The following GNG7 variants were observed in gnomAD, a reference collection of about 807,000 sequenced individuals.
GNG7 encodes G protein subunit gamma 7.
GNG7 carries 1 observed loss-of-function variant against 4.0 expected under a neutral mutation model. That is an observed-to-expected ratio of 0.25 (90% CI 0.09 to 1.18). GNG7 has a LOEUF of 1.18. Ranked by LOEUF, GNG7 falls within the 50% of genes most tolerant of loss-of-function variation. GNG7 has a pLI of 0.50. For synonymous variants in GNG7, 34 were observed against 36.9 expected (o/e 0.92, Z 0.29); for missense variants, 86 against 91.9 (o/e 0.94, Z 0.26).
intron 1 of GNG7, among the ~76,000 whole-genome samples, chr19:2,657,060 G>A (rs752018224): frequency 4.6e-5 from 7 of 151,762 alleles, no homozygotes; most frequent in Non-Finnish European, 8.8e-5. Context: ...CATTACAGGC[G>A]CGGTGGCTCA....
chr19:2,663,626 T>A (rs1983233503), intron 1 of GNG7, among the ~76,000 whole-genome samples: 1 of 152,202 alleles, frequency 6.6e-6, no homozygotes, highest in South Asian at 2.1e-4. Context: ...GTTTTTCCAA[T>A]ATCTATCAAC....
At chr19:2,570,120 G>A (rs749783009) in intron 2 of GNG7, among the ~76,000 whole-genome samples, 5 of 151,890 alleles carry the variant, frequency 3.3e-5, no homozygotes, top group African/African-American at 9.7e-5. Context: ...GTTAGTTCAC[G>A]GACGACCTGG....
At chr19:2,675,683 G>C (rs1169629497) in intron 1 of GNG7, among the ~76,000 whole-genome samples, 1 of 152,132 alleles carries the variant, frequency 6.6e-6, no homozygotes, top group Non-Finnish European at 1.5e-5. Flanking sequence ...CGACACTTGG[G>C]GGTCTCAATG....
At chr19:2,658,654 A>G (rs1983058599) in intron 1 of GNG7, among the ~76,000 whole-genome samples, 1 of 152,238 alleles carries the variant, frequency 6.6e-6, no homozygotes, top group East Asian at 1.9e-4. Flanking sequence ...CAGTGAAATG[A>G]GCCAGATGCA....
At chr19:2,646,629 G>A (rs1437296521) in intron 1 of GNG7, among the ~76,000 whole-genome samples, 1 of 151,804 alleles carries the variant, frequency 6.6e-6, no homozygotes, top group Non-Finnish European at 1.5e-5. Flanking sequence ...AGGGTGCAGT[G>A]AGCTGAGATC....
chr19:2,632,418 A>G (rs1447549575), intron 2 of GNG7, among the ~76,000 whole-genome samples: 1 of 149,732 alleles, frequency 6.7e-6, no homozygotes, highest in African/African-American at 2.5e-5. Context: ...GACAAGAGTG[A>G]AACTCCATCT....
At chr19:2,548,934 A>G in intron 3 of GNG7, among the ~76,000 whole-genome samples, 1 of 152,178 alleles carries the variant, frequency 6.6e-6, no homozygotes, top group East Asian at 1.9e-4. Flanking sequence ...TGAACTGTGC[A>G]TGTTGTTTGC....
At chr19:2,588,336 G>A (rs953999605) in intron 2 of GNG7, among the ~76,000 whole-genome samples, 1 of 152,184 alleles carries the variant, frequency 6.6e-6, no homozygotes, top group East Asian at 1.9e-4. Context: ...AGGACAACCC[G>A]AAAGACATCA....
At chr19:2,622,110 T>C (rs1186907855) in intron 2 of GNG7, among the ~76,000 whole-genome samples, 1 of 151,850 alleles carries the variant, frequency 6.6e-6, no homozygotes, top group Non-Finnish European at 1.5e-5. Context: ...GACGGAGTCT[T>C]GCTCTGTCAC....
In GNG7 at chr19:2,653,317, A is replaced by C. The variant is rs928206811; in HGVS notation, c.-134-7037T>G. On this transcript the variant is annotated intron_variant, in intron 1 of 4. Coordinates refer to ENST00000382159, the MANE Select transcript of GNG7 (RefSeq NM_052847.3). The surrounding 1 kb of genome is among the most constrained non-coding windows in gnomAD (Gnocchi z 4.8). ...TCAGCTCCCAAACCTGGGGATTTGCAACAGACAAACACAGAGCTGGGAAAT... is the reference window on the plus strand; with the variant it reads ...TCAGCTCCCAAACCTGGGGATTTGCCACAGACAAACACAGAGCTGGGAAAT... Among the ~76,000 whole-genome samples, 2 of 152,164 alleles carry C rather than the reference A, an allele frequency of 1.3e-5. No homozygotes were observed. Among genetic ancestry groups the C allele is most frequent in the Non-Finnish European group, 2.9e-5 (2 of 68,026 alleles).
chr19:2,539,270 GATATT>G (rs1978863178), intron 3 of GNG7, among the ~76,000 whole-genome samples: 1 of 150,180 alleles, frequency 6.7e-6, no homozygotes, highest in African/African-American at 2.4e-5. Flanking sequence ...ATAAATTAAG[GATATT>G]TTCACAAACT....
At chr19:2,661,302 G>GAAAGAGAAAGAAAGAAAGAA in intron 1 of GNG7, among the ~76,000 whole-genome samples, 6 of 73,122 alleles carry the variant, frequency 8.2e-5, no homozygotes, top group Admixed American at 3.1e-4. Context: ...AAGAAAGAAA[G>GAAAGAGAAAGAAAGAAAGAA]AGAAAGAAAG....
intron 3 of GNG7, among the ~76,000 whole-genome samples, chr19:2,528,921 G>A (rs978932284): frequency 6.6e-6 from 1 of 152,210 alleles, no homozygotes; most frequent in Non-Finnish European, 1.5e-5. Context: ...CACAGCTGCT[G>A]GAAAGACAAG....
At position 2,560,755 on chromosome 19, in the gene GNG7, G is replaced by C. The variant is rs184672299; in HGVS notation, c.-77-5567C>G. Among the ~76,000 whole-genome samples, 192 of 151,998 alleles carry C rather than the reference G, an allele frequency of 1.3e-3. 1 individual carries two copies. The highest frequency in any genetic ancestry group is 4.5e-3 in the African/African-American group (186 of 41,434). The stretch of plus-strand genomic sequence containing the variant: ...GTGGATCACTTGATGTCAGGAGTTC[G>C]AGACCAGCCTGACCAACATGGGTAG... On this transcript the variant is annotated intron_variant, in intron 2 of 4. Transcript: ENST00000382159.
chr19:2,684,758 G>A (rs1249094870), intron 1 of GNG7, among the ~76,000 whole-genome samples: 1 of 152,112 alleles, frequency 6.6e-6, no homozygotes. Context: ...GGAGGCCGAG[G>A]CGGGTGGATC....
intron 2 of GNG7, among the ~76,000 whole-genome samples, chr19:2,622,304 C>A (rs1413635794): frequency 6.6e-6 from 1 of 152,242 alleles, no homozygotes; most frequent in African/African-American, 2.4e-5. Context: ...TGGTCTCGAT[C>A]TCCTGACCTT....
intron 1 of GNG7, among the ~76,000 whole-genome samples, chr19:2,651,531 T>A (rs940837220): frequency 6.8e-6 from 1 of 147,018 alleles, no homozygotes; most frequent in African/African-American, 2.6e-5. Flanking sequence ...TTCTTTCTTC[T>A]TTCTCTTTCT....
chr19:2,568,100 T>C (rs994698069), intron 2 of GNG7, among the ~76,000 whole-genome samples: 4 of 135,482 alleles, frequency 3.0e-5, no homozygotes, highest in Non-Finnish European at 6.5e-5. Flanking sequence ...CACACACACT[T>C]ACACACATGC....
chr19:2,547,070 G>A (rs902621376), intron 3 of GNG7, among the ~76,000 whole-genome samples: 122 of 147,944 alleles, frequency 8.2e-4, no homozygotes, highest in African/African-American at 2.6e-3. Flanking sequence ...CTTTCTCCAC[G>A]CATGCCCCCC....
Sources: allele counts gnomAD v4.1 joint callset (sites outside exome capture counted in the v4.1 genomes callset), GRCh38; gene constraint gnomAD v4.1.1; non-coding constraint Gnocchi (gnomAD v3.1); transcripts MANE v1.5; gene names NCBI Gene and HGNC (gene_info 2026-07-23, HGNC 2026-07-21).